Variants in BLTP1 observed in about 807,000 individuals in gnomAD.
BLTP1 encodes fragile site-associated protein.
At chr4:122,173,035 G>A in the BLTP1 span, 1 of 1,612,960 alleles carries the variant, frequency 6.2e-7, no homozygotes, top group Non-Finnish European at 8.5e-7. Flanking sequence ...CCTCCCAACA[G>A]CTACCATTTT....
At chr4:122,329,454 A>G in the BLTP1 span, among the ~76,000 whole-genome samples, 1 of 151,510 alleles carries the variant, frequency 6.6e-6, no homozygotes, top group South Asian at 2.1e-4. Flanking sequence ...GTCTTTTCTA[A>G]CAATTTTTCT....
the BLTP1 span, chr4:122,277,669 A>T: frequency 1.0e-6 from 1 of 975,466 alleles, no homozygotes; most frequent in South Asian, 4.7e-5. Context: ...GACTTTTATC[A>T]TTTGTTTACC....
At chr4:122,350,350 G>A in the BLTP1 span, 1 of 985,170 alleles carries the variant, frequency 1.0e-6, no homozygotes, top group South Asian at 4.7e-5. Flanking sequence ...AGAATATCAT[G>A]TTCTGGTTTA....
chr4:122,286,500 T>G, the BLTP1 span: 2 of 1,609,086 alleles, frequency 1.2e-6, no homozygotes, highest in Middle Eastern at 1.7e-4. Context: ...AATGAGTGAA[T>G]GAACACTAGC....
the BLTP1 span, among the ~76,000 whole-genome samples, chr4:122,176,834 A>G: frequency 6.6e-5 from 10 of 152,226 alleles, no homozygotes; most frequent in Non-Finnish European, 1.3e-4. Flanking sequence ...TCACATGACT[A>G]ACAGCTAAAA....
At chr4:122,175,552 C>T in the BLTP1 span, among the ~76,000 whole-genome samples, 1 of 151,996 alleles carries the variant, frequency 6.6e-6, no homozygotes, top group Non-Finnish European at 1.5e-5. Context: ...TTTCCTGTGA[C>T]CATTAATTAG....
the BLTP1 span, among the ~76,000 whole-genome samples, chr4:122,332,379 T>C: frequency 6.6e-6 from 1 of 152,004 alleles, no homozygotes; most frequent in African/African-American, 2.4e-5. Flanking sequence ...CCATAATAAA[T>C]TGCTAATATT....
chr4:122,262,884 A>G, the BLTP1 span: 1 of 1,614,160 alleles, frequency 6.2e-7, no homozygotes, highest in Non-Finnish European at 8.5e-7. Context: ...GAGCCTACTC[A>G]GCTACCTGAC....
At chr4:122,182,914 C>T in the BLTP1 span, 11 of 984,526 alleles carry the variant, frequency 1.1e-5, no homozygotes, top group African/African-American at 1.9e-4. Context: ...TATCAAAAAC[C>T]ACCTCTTTCT....
the BLTP1 span, chr4:122,223,028 A>C: frequency 1.1e-6 from 1 of 882,104 alleles, no homozygotes; most frequent in South Asian, 5.2e-5. Context: ...TCTCAGCGTC[A>C]GAAGATAACT....
At chr4:122,168,007 G>C in the BLTP1 span, 10 of 567,016 alleles carry the variant, frequency 1.8e-5, 1 homozygote, top group East Asian at 1.4e-4. Context: ...ATTTTTGTTT[G>C]GATTCTGTGT....
chr4:122,216,144 T>TACCA, the BLTP1 span, among the ~76,000 whole-genome samples: 1 of 149,538 alleles, frequency 6.7e-6, no homozygotes, highest in South Asian at 2.1e-4. Flanking sequence ...TCTATCTATC[T>TACCA]ACCACATTTT....
the BLTP1 span, chr4:122,207,528 T>C: frequency 1.3e-6 from 2 of 1,547,198 alleles, no homozygotes; most frequent in Admixed American, 2.2e-5. Context: ...TTTTTTTTTT[T>C]TTTCTTTTGT....
chr4:122,286,242 A>G, the BLTP1 span: 1 of 185,300 alleles, frequency 5.4e-6, no homozygotes, highest in Non-Finnish European at 1.0e-5. Context: ...AGGGCACTTT[A>G]TTTCTGTTCT....
the BLTP1 span, chr4:122,257,436 A>G: frequency 3.6e-5 from 58 of 1,613,970 alleles, no homozygotes; most frequent in East Asian, 5.1e-4. Context: ...GGATTGGACA[A>G]TGGGGGTGGT....
chr4:122,210,888 A>G, the BLTP1 span: 38 of 1,611,984 alleles, frequency 2.4e-5, no homozygotes, highest in Non-Finnish European at 3.0e-5. Context: ...TTATTACAGT[A>G]TCAGAAATGG....
At chr4:122,284,080 T>C in the BLTP1 span, among the ~76,000 whole-genome samples, 3 of 152,360 alleles carry the variant, frequency 2.0e-5, no homozygotes, top group East Asian at 1.9e-4. Context: ...TGTGGTGTTG[T>C]AGCTATTACA....
At chr4:122,152,576 C>G in the BLTP1 span, 52 of 985,578 alleles carry the variant, frequency 5.3e-5, no homozygotes, top group Non-Finnish European at 5.9e-5. Context: ...TGCCTCGGCA[C>G]TCGCCCAGGT....
the BLTP1 span, chr4:122,226,802 G>T: frequency 6.2e-7 from 1 of 1,611,906 alleles, no homozygotes. Flanking sequence ...TAATATGTCA[G>T]CATGGAATTG....
Sources: gnomAD v4.1 joint callset for allele counts (sites outside exome capture counted in the v4.1 genomes callset) on GRCh38, gnomAD v4.1.1 for gene constraint, MANE v1.5 for transcripts, NCBI Gene and HGNC (gene_info 2026-07-23, HGNC 2026-07-21) for gene names.